Variants in DNAI7 observed in about 807,000 individuals in gnomAD.
The protein encoded by DNAI7 is cancer susceptibility 1.
A neutral mutation model predicts 86.6 loss-of-function variants in DNAI7; 78 were observed. The ratio of observed to expected loss-of-function variants is 0.90; its 90% confidence interval spans 0.75 to 1.09. The LOEUF (loss-of-function observed/expected upper bound fraction) is 1.09, where lower values mean the gene tolerates loss of function less well. Ranked by LOEUF, DNAI7 falls within the 50% of genes least tolerant of loss-of-function variation. The pLI is 0.00. For synonymous variants in DNAI7, 274 were observed against 273.0 expected (o/e 1.00, Z -0.04); for missense variants, 753 against 810.2 (o/e 0.93, Z 0.86).
At chr12:25,113,742 T>G (rs903762323) in intron 13 of DNAI7, among the ~76,000 whole-genome samples, 2 of 152,150 alleles carry the variant, frequency 1.3e-5, no homozygotes, top group Non-Finnish European at 2.9e-5. Context: ...AAGTGTATAA[T>G]TCAATGATTT....
At chr12:25,165,092 G>A (rs535083505) in intron 2 of DNAI7, among the ~76,000 whole-genome samples, 2 of 152,066 alleles carry the variant, frequency 1.3e-5, no homozygotes, top group East Asian at 3.9e-4. Flanking sequence ...AGCAACCCTG[G>A]GATGCTTTAC....
chr12:25,138,357 G>A, intron 9 of DNAI7, among the ~76,000 whole-genome samples: 1 of 152,198 alleles, frequency 6.6e-6, no homozygotes, highest in Non-Finnish European at 1.5e-5. Flanking sequence ...CAGCTATCCA[G>A]GAGGCTGAAG....
chr12:25,150,645 T>A (rs879289379), intron 6 of DNAI7, among the ~76,000 whole-genome samples: 7 of 150,664 alleles, frequency 4.6e-5, no homozygotes, highest in Non-Finnish European at 1.0e-4. Context: ...GAACATCATA[T>A]GGCTTCTGAT....
At chr12:25,154,821 G>A (rs1350276268) in intron 5 of DNAI7, among the ~76,000 whole-genome samples, 2 of 152,106 alleles carry the variant, frequency 1.3e-5, no homozygotes, top group Non-Finnish European at 2.9e-5. Context: ...ATGTCTAGTT[G>A]CCACTGGCAT....
chr12:25,126,817 G>C (rs1942203044), intron 9 of DNAI7, among the ~76,000 whole-genome samples: 1 of 152,120 alleles, frequency 6.6e-6, no homozygotes, highest in South Asian at 2.1e-4. Flanking sequence ...AAAGATATCA[G>C]ACCAATAGGT....
intron 9 of DNAI7, among the ~76,000 whole-genome samples, chr12:25,140,238 AAAG>A (rs147896654): frequency 0.17 from 26,406 of 151,988 alleles, 2,482 homozygotes; most frequent in African/African-American, 0.23. Context: ...CCAAATCAGT[AAAG>A]AAGAAGTCAA....
chr12:25,117,944 T>TTTTA (rs1565635297), intron 12 of DNAI7, among the ~76,000 whole-genome samples: 3 of 141,976 alleles, frequency 2.1e-5, no homozygotes, highest in Non-Finnish European at 4.5e-5. Flanking sequence ...TTTTCTTTTT[T>TTTTA]TTTTTTTTTT....
chr12:25,187,183 G>A (rs1032906726), intron 2 of DNAI7, among the ~76,000 whole-genome samples: 2 of 152,150 alleles, frequency 1.3e-5, no homozygotes, highest in African/African-American at 2.4e-5. Flanking sequence ...TCTCCATGCC[G>A]TGTTTTTATC....
Position 25,155,543 on chromosome 12 carries a change from A to G in DNAI7, c.199-131T>C, listed in dbSNP as rs1413948978. On this transcript the variant is annotated intron_variant, in intron 4 of 15. Transcript: ENST00000395987. ...AATGAATATTAAAATTAGTTTGAAT[A>G]TAACTGATATCTCCAAAAGGTTTCA... 6.1e-6 allele frequency: 3 copies of G among 492,694 alleles called. No individual in the cohort carries two copies. In the East Asian group the frequency reaches 9.7e-5, roughly 16 times the overall value. 30.5% of individuals were successfully genotyped at this position (492,694 alleles called of 1,614,324 possible).
intron 12 of DNAI7, among the ~76,000 whole-genome samples, chr12:25,116,447 G>A (rs951068629): frequency 6.6e-6 from 1 of 151,968 alleles, no homozygotes; most frequent in Non-Finnish European, 1.5e-5. Context: ...GTTGTAGAGT[G>A]AAATTATTCC....
chr12:25,124,706 T>C (rs539733381), intron 9 of DNAI7, among the ~76,000 whole-genome samples: 110 of 152,252 alleles, frequency 7.2e-4, no homozygotes, highest in African/African-American at 2.6e-3. Flanking sequence ...GTTGTACAGA[T>C]TATCTCATCA....
At chr12:25,176,340 T>C (rs1449654927) in intron 2 of DNAI7, among the ~76,000 whole-genome samples, 9 of 152,062 alleles carry the variant, frequency 5.9e-5, no homozygotes, top group Non-Finnish European at 1.0e-4. Flanking sequence ...GTATTAAAAA[T>C]TCTGTTCTAG....
intron 2 of DNAI7, among the ~76,000 whole-genome samples, chr12:25,186,997 C>G (rs920044499): frequency 6.6e-6 from 1 of 152,108 alleles, no homozygotes; most frequent in Non-Finnish European, 1.5e-5. Context: ...TTGTGTCCCC[C>G]TACAGTGAAT....
chr12:25,150,048 C>G (rs993078672), intron 6 of DNAI7, among the ~76,000 whole-genome samples: 1 of 152,102 alleles, frequency 6.6e-6, no homozygotes, highest in Non-Finnish European at 1.5e-5. Context: ...TGAAGAAAGA[C>G]CAGTTCTTTA....
intron 2 of DNAI7, among the ~76,000 whole-genome samples, chr12:25,183,322 C>G (rs901447517): frequency 6.6e-6 from 1 of 151,836 alleles, no homozygotes; most frequent in Non-Finnish European, 1.5e-5. Flanking sequence ...GCCAAAATCC[C>G]AGCATCATCC....
intron 2 of DNAI7, among the ~76,000 whole-genome samples, chr12:25,177,269 A>G (rs1451168348): frequency 6.6e-6 from 1 of 152,148 alleles, no homozygotes; most frequent in Non-Finnish European, 1.5e-5. Context: ...TACAATCATC[A>G]CAATCCACCT....
At chr12:25,112,237 T>C (rs1396413630) in intron 13 of DNAI7, among the ~76,000 whole-genome samples, 2 of 152,196 alleles carry the variant, frequency 1.3e-5, no homozygotes, top group Admixed American at 6.5e-5. Context: ...TATGCATATG[T>C]TCACACTGAA....
intron 11 of DNAI7, 76 bp downstream of exon 11, chr12:25,121,677 T>G: frequency 8.5e-7 from 1 of 1,175,668 alleles, no homozygotes; most frequent in Non-Finnish European, 1.2e-6. Flanking sequence ...GCTTATTAGA[T>G]GTTAGATAAT....
downstream of DNAI7, chr12:25,107,831 C>T (rs922158054): frequency 2.5e-6 from 4 of 1,613,392 alleles, no homozygotes; most frequent in Non-Finnish European, 3.4e-6. Context: ...GACACAATAG[C>T]TTCCTGGGCA....
Sources: allele counts gnomAD v4.1 joint callset (sites outside exome capture counted in the v4.1 genomes callset), GRCh38; gene constraint gnomAD v4.1.1; transcripts MANE v1.5; gene names NCBI Gene and HGNC (gene_info 2026-07-23, HGNC 2026-07-21).